Variants in CFAP95 observed in about 807,000 individuals in gnomAD.
CFAP95 encodes cilia- and flagella-associated protein 95.
chr9:69,897,510 A>C, the CFAP95 span, among the ~76,000 whole-genome samples: 1 of 152,214 alleles, frequency 6.6e-6, no homozygotes, highest in Admixed American at 6.5e-5. Flanking sequence ...CCTAAAACTG[A>C]AAATGACCTT....
At chr9:69,887,105 T>C in the CFAP95 span, among the ~76,000 whole-genome samples, 1 of 152,242 alleles carries the variant, frequency 6.6e-6, no homozygotes, top group Non-Finnish European at 1.5e-5. Context: ...GGGAAAAATA[T>C]TGCCGTATCT....
chr9:69,879,400 A>G, the CFAP95 span, among the ~76,000 whole-genome samples: 1 of 152,182 alleles, frequency 6.6e-6, no homozygotes, highest in Admixed American at 6.5e-5. Context: ...GGGAAGAGAA[A>G]GTCTCCAGCA....
chr9:69,857,417 T>A, the CFAP95 span, among the ~76,000 whole-genome samples: 1 of 152,254 alleles, frequency 6.6e-6, no homozygotes, highest in Non-Finnish European at 1.5e-5. Context: ...ATGCTAAAAA[T>A]TCCATTGACT....
the CFAP95 span, chr9:69,857,995 T>G: frequency 2.5e-6 from 4 of 1,606,712 alleles, no homozygotes; most frequent in Non-Finnish European, 3.4e-6. Flanking sequence ...GTCCCTAAAC[T>G]GCTACAACTG....
At chr9:69,891,502 T>TC in the CFAP95 span, among the ~76,000 whole-genome samples, 3 of 62,742 alleles carry the variant, frequency 4.8e-5, no homozygotes, top group Middle Eastern at 0.015. Flanking sequence ...ATATTCTTCT[T>TC]TTTTTTTTTT....
chr9:69,856,494 T>C, the CFAP95 span: 2 of 931,680 alleles, frequency 2.1e-6, no homozygotes, highest in South Asian at 1.6e-5. Flanking sequence ...AAACATGTTT[T>C]AGTAACTGAC....
chr9:69,868,805 G>GAA, the CFAP95 span, among the ~76,000 whole-genome samples: 2 of 139,626 alleles, frequency 1.4e-5, no homozygotes, highest in African/African-American at 2.7e-5. Flanking sequence ...CAACTTATTA[G>GAA]AAAAAAAAAA....
At chr9:69,831,577 G>A in the CFAP95 span, among the ~76,000 whole-genome samples, 2 of 152,238 alleles carry the variant, frequency 1.3e-5, no homozygotes, top group Non-Finnish European at 1.5e-5. Context: ...ATAGGAGTGG[G>A]GAGGGCTACC....
the CFAP95 span, chr9:69,844,619 A>G: frequency 1.2e-6 from 2 of 1,602,380 alleles, no homozygotes; most frequent in Admixed American, 3.4e-5. Flanking sequence ...GAACCGATGA[A>G]TCCCCAGTAA....
chr9:69,903,415 C>A, the CFAP95 span, among the ~76,000 whole-genome samples: 1 of 152,090 alleles, frequency 6.6e-6, no homozygotes, highest in Non-Finnish European at 1.5e-5. Context: ...TCAGTCCTAC[C>A]CAAACCACAT....
At chr9:69,897,351 G>A in the CFAP95 span, among the ~76,000 whole-genome samples, 6 of 152,266 alleles carry the variant, frequency 3.9e-5, no homozygotes, top group African/African-American at 7.2e-5. Flanking sequence ...AATGGTGGAC[G>A]CAAGGTTAGT....
At chr9:69,825,060 A>G in the CFAP95 span, among the ~76,000 whole-genome samples, 1 of 152,172 alleles carries the variant, frequency 6.6e-6, no homozygotes, top group African/African-American at 2.4e-5. Context: ...GATGTCATTG[A>G]CTTATTTTTA....
At chr9:69,839,670 G>C in the CFAP95 span, among the ~76,000 whole-genome samples, 1 of 150,042 alleles carries the variant, frequency 6.7e-6, no homozygotes, top group Non-Finnish European at 1.5e-5. Context: ...CAAGTGATCC[G>C]CCTGCCTCAG....
chr9:69,859,222 A>G, the CFAP95 span, among the ~76,000 whole-genome samples: 1 of 151,978 alleles, frequency 6.6e-6, no homozygotes, highest in Non-Finnish European at 1.5e-5. Context: ...CCTGATCCTA[A>G]AACTTTCCTG....
chr9:69,886,049 A>G, the CFAP95 span, among the ~76,000 whole-genome samples: 162 of 152,282 alleles, frequency 1.1e-3, no homozygotes, highest in African/African-American at 3.6e-3. Context: ...GTGCCACAAA[A>G]TCTTGTGTCA....
chr9:69,834,720 A>G, the CFAP95 span, among the ~76,000 whole-genome samples: 16 of 152,222 alleles, frequency 1.1e-4, no homozygotes, highest in African/African-American at 3.4e-4. Flanking sequence ...AGATGACTTC[A>G]CTTATCTGTC....
the CFAP95 span, among the ~76,000 whole-genome samples, chr9:69,860,657 G>T: frequency 1.3e-5 from 2 of 148,206 alleles, no homozygotes; most frequent in Non-Finnish European, 3.0e-5. Flanking sequence ...AGCTTAAAAC[G>T]CAAACACATT....
At chr9:69,852,762 G>A in the CFAP95 span, among the ~76,000 whole-genome samples, 1 of 152,216 alleles carries the variant, frequency 6.6e-6, no homozygotes, top group Non-Finnish European at 1.5e-5. Flanking sequence ...AACGTGGGAA[G>A]GACCCAGTGG....
At chr9:69,838,640 A>G in the CFAP95 span, among the ~76,000 whole-genome samples, 1 of 151,954 alleles carries the variant, frequency 6.6e-6, no homozygotes, top group Non-Finnish European at 1.5e-5. Context: ...GGGCTGAGAC[A>G]ATGGGGTTTT....
Sources: gnomAD v4.1 joint callset for allele counts (sites outside exome capture counted in the v4.1 genomes callset) on GRCh38, gnomAD v4.1.1 for gene constraint, MANE v1.5 for transcripts, NCBI Gene and HGNC (gene_info 2026-07-23, HGNC 2026-07-21) for gene names.